The following CHD4 variants were observed in gnomAD, a reference collection of about 807,000 sequenced individuals.
The protein encoded by CHD4 is ATP-dependent chromatin remodeler CHD4.
Under a neutral mutation model 235.5 loss-of-function variants are expected in CHD4, and 35 were observed. The observed-to-expected ratio is 0.15, with a 90% confidence interval of 0.11 to 0.20. The LOEUF is 0.20. CHD4 is among the 10% of genes least tolerant of loss of function. The pLI is 1.00. For synonymous variants in CHD4, 900 were observed against 850.2 expected (o/e 1.06, Z -1.02); for missense variants, 1,329 against 2,432.3 (o/e 0.55, Z 9.54).
chr12:6,571,817 T>A (rs1947976702), intron 38 of CHD4: 1 of 151,696 alleles, frequency 6.6e-6, no homozygotes, highest in East Asian at 2.0e-4. Context: ...AAAAATTAGC[T>A]GGGCATGGTG....
Position 6,593,857 on chromosome 12 carries a change from C to T in CHD4, c.2314-241G>A, listed in dbSNP as rs182008136. Reference sequence around the variant, plus strand: ...GTCTTTATATACTTTTTTTCTGAGACGGAGTTTCACTCTTGTTGCCCAGGC... The same window carrying T: ...GTCTTTATATACTTTTTTTCTGAGATGGAGTTTCACTCTTGTTGCCCAGGC... On this transcript the variant is annotated intron_variant, in intron 15 of 39. Transcript: ENST00000544040. This position sits in a 1 kb window ranked among gnomAD's most constrained non-coding sequence, Gnocchi z 4.9. 1.1e-4 allele frequency among the ~76,000 whole-genome samples: 16 copies of T among 152,196 alleles called. No homozygotes were observed. Among genetic ancestry groups the T allele is most frequent in the Non-Finnish European group, 2.1e-4 (14 of 68,002 alleles).
At chr12:6,582,789 A>G in intron 28 of CHD4, 41 bp from the exon 29 acceptor site, 1 of 1,614,122 alleles carries the variant, frequency 6.2e-7, no homozygotes, top group Non-Finnish European at 8.5e-7. Context: ...AGCAGGTCGC[A>G]TTCCACCAAA....
chr12:6,587,186 A>C, intron 25 of CHD4, 198 bp downstream of exon 25: 1 of 584,060 alleles, frequency 1.7e-6, no homozygotes, highest in Admixed American at 3.3e-5. Flanking sequence ...ATTTGGTTGT[A>C]AGTTTTCTGA....
chr12:6,595,696 G>A (rs1159577588), intron 13 of CHD4, among the ~76,000 whole-genome samples: 3 of 151,614 alleles, frequency 2.0e-5, no homozygotes, highest in Non-Finnish European at 2.9e-5. Context: ...ACTGAGGCAG[G>A]AGAATTGCTT....
Position 6,570,943 on chromosome 12 carries a change from C to G in CHD4, c.5647G>C (p.Val1883Leu). ...TTACGCTCTGACATCTGTAACCTCA[C>G]AGCAACTGGGGGAATTCGGGCAATG... ...ATIARIPPVA[V>L]RLQMSERNIL... The change falls in exon 39 of 40, where the codon GTG becomes CTG. Residue 1883 changes from valine to leucine, a missense_variant. Val to Leu is a conservative substitution (Grantham distance 32, BLOSUM62 1). Around this residue, in one of 26 missense-constraint regions of CHD4, gnomAD observed 135 missense variants for 282.3 expected, o/e 0.48. Transcript: ENST00000544040. 6.2e-7 allele frequency: 1 copy of G among 1,614,168 alleles called. No homozygotes were observed. Among genetic ancestry groups the G allele is most frequent in the African/African-American group, 1.3e-5 (1 of 75,014 alleles).
Position 6,573,084 on chromosome 12 carries a change from G to T in CHD4, c.5547C>A (p.Val1849=), listed in dbSNP as rs751883549. ...SMAGNKPANA[V]LHKVLKQLEE... is the part of the protein sequence containing the mutation. ...GGAGCCACTGGCTACCTTTGTGCAGGACTGCATTGGCTGGCTTGTTTCCTG... is the reference window on the plus strand; with the variant it reads ...GGAGCCACTGGCTACCTTTGTGCAGTACTGCATTGGCTGGCTTGTTTCCTG... Residue 1849 remains valine, a synonymous_variant, in exon 38 of 40, where the codon GTC becomes GTA. Transcript: ENST00000544040. 6.2e-7 allele frequency: 1 copy of T among 1,608,334 alleles called. No homozygotes were observed. Among genetic ancestry groups the T allele is most frequent in the East Asian group, 2.3e-5 (1 of 44,402 alleles).
intron 2 of CHD4, among the ~76,000 whole-genome samples, chr12:6,603,544 G>C (rs1408242233): frequency 1.3e-5 from 2 of 149,106 alleles, no homozygotes; most frequent in African/African-American, 2.5e-5. Context: ...GGGAGGGGGT[G>C]GGTTTGAGAG....
chr12:6,578,588 C>G, intron 34 of CHD4, 42 bp from the exon 35 acceptor site: 10 of 1,606,616 alleles, frequency 6.2e-6, no homozygotes, highest in Non-Finnish European at 7.6e-6. Flanking sequence ...CCAGCCAAAG[C>G]CCAGCACCAT....
At chr12:6,599,628 A>T in intron 10 of CHD4, 145 bp downstream of exon 10, 1 of 1,008,446 alleles carries the variant, frequency 9.9e-7, no homozygotes. Flanking sequence ...GGACAAAAGT[A>T]TCCCAACACT....
chr12:6,606,927 G>A (rs1382044477), intron 1 of CHD4: 1 of 152,066 alleles, frequency 6.6e-6, no homozygotes, highest in Non-Finnish European at 1.5e-5. Context: ...GGGACGAGGG[G>A]GCGTGGAGGC....
At chr12:6,596,574 C>T (rs1157973546) in intron 12 of CHD4, among the ~76,000 whole-genome samples, 1 of 151,732 alleles carries the variant, frequency 6.6e-6, no homozygotes, top group Non-Finnish European at 1.5e-5. Context: ...CCAAGGCAGG[C>T]GGATCACCTG....
In CHD4 at chr12:6,581,087, C is replaced by T. The variant is rs1948179134; in HGVS notation, c.4866G>A (p.Glu1622=). ...PEGEEKVEKA[E]VKERTEEPME... is the part of the protein sequence containing the mutation. ...TAGGTTCCTCTGTTCTCTCCTTCAC[C>T]TCTGCCTTTTCCACTTTCTCCTCTC... Residue 1622 remains glutamate (E), a synonymous_variant, in exon 33 of 40, where the codon GAG becomes GAA. Transcript: ENST00000544040. The T allele has an allele frequency of 1.2e-6, 2 of 1,614,144 alleles. No individual in the cohort carries two copies. The highest frequency in any genetic ancestry group is 1.7e-6 in the Non-Finnish European group (2 of 1,180,014).
Position 6,578,947 on chromosome 12 carries a change from C to T in CHD4, c.4910-30G>A, listed in dbSNP as rs766261133. 5.0e-6 allele frequency: 8 copies of T among 1,594,586 alleles called. No homozygotes were observed. In the African/African-American group the frequency reaches 1.1e-4, roughly 21 times the overall value. ...GGGAAGAAATGTTATTGAGACTATA[C>T]CTAAAGGAAGAACATTCTCCTCTGT... On this transcript the variant is annotated intron_variant, in intron 33 of 39. Transcript: ENST00000544040.
At chr12:6,584,623 A>AC (rs1948249957) in intron 25 of CHD4, 1 of 151,906 alleles carries the variant, frequency 6.6e-6, no homozygotes, top group Admixed American at 6.6e-5. Flanking sequence ...GGCTCAAACG[A>AC]CCCTCCTGCC....
chr12:6,581,703 G>A lies in CHD4; in HGVS notation c.4627C>T (p.Pro1543Ser), dbSNP rs568631475. ...GGCTGCGTGTCCCCTGGAGTGGAGG[G>A]TGTAGGAGTTTTTGGGGAGGGTGAC... ...PGSPSPKTPTPSTPGDTQPNT... is the reference protein window; with the variant it reads ...PGSPSPKTPTSSTPGDTQPNT... The change falls in exon 31 of 40, where the codon CCC (proline) becomes TCC (serine). Residue 1543 changes from proline to serine, a missense_variant. Transcript: ENST00000544040. 6 of 1,609,090 alleles carry A rather than the reference G, an allele frequency of 3.7e-6. No individual in the cohort carries two copies. The highest frequency in any genetic ancestry group is 2.7e-5 in the African/African-American group (2 of 74,924).
Position 6,580,999 on chromosome 12 carries a change from G to A in CHD4, c.4909+45C>T, listed in dbSNP as rs556957004. 153 of 1,607,648 alleles carry A rather than the reference G, an allele frequency of 9.5e-5. 1 individual carries two copies. Among genetic ancestry groups the A allele is most frequent in the East Asian group, 2.5e-4 (11 of 44,770 alleles). ...TCCAGCCTGGCGGCAGCACTACACT[G>A]TCTCAAAACAAACAAACAAACAAAA... On this transcript the variant is annotated intron_variant, in intron 33 of 39. Transcript: ENST00000544040.
At chr12:6,571,290 T>A (rs899740498) in intron 38 of CHD4, 5 of 405,968 alleles carry the variant, frequency 1.2e-5, no homozygotes, top group Non-Finnish European at 2.2e-5. Context: ...TTCTTGAGCT[T>A]ATTCGTTTTT....
chr12:6,603,521 C>T (rs1171974155), intron 2 of CHD4, among the ~76,000 whole-genome samples: 1 of 134,640 alleles, frequency 7.4e-6, no homozygotes, highest in East Asian at 2.2e-4. Context: ...ATAGGACAGA[C>T]AGGAAGTGGC....
intron 2 of CHD4, among the ~76,000 whole-genome samples, chr12:6,603,542 GTGGGTTTGAGAGAGGTGGGGTGGC>G (rs1948634901): frequency 6.7e-6 from 1 of 149,454 alleles, no homozygotes; most frequent in African/African-American, 2.5e-5. Context: ...AGGGGAGGGG[GTGGGTTTGAGAGAGGTGGGGTGGC>G]GGGGGGGGAG....
Sources: gnomAD v4.1 joint callset for allele counts (sites outside exome capture counted in the v4.1 genomes callset) on GRCh38, gnomAD v4.1.1 for gene constraint, gnomAD v4.1.1 regional missense constraint, Gnocchi (gnomAD v3.1) non-coding constraint, MANE v1.5 for transcripts, NCBI Gene and HGNC (gene_info 2026-07-23, HGNC 2026-07-21) for gene names.